Variants in FYB1 observed in about 807,000 individuals in gnomAD.
FYB1 encodes the protein FYN binding protein 1, also known as FYN-binding protein 1.
Under a neutral mutation model 94.1 loss-of-function variants are expected in FYB1, and 41 were observed. The ratio of observed to expected loss-of-function variants is 0.44; its 90% CI spans 0.34 to 0.57. FYB1 has a LOEUF of 0.57. FYB1 is among the 20% of genes least tolerant of loss of function. The pLI, the probability that FYB1 is intolerant of heterozygous loss-of-function variation, is 0.02. For missense variants in FYB1, 1,050 were observed against 976.8 expected, an observed-to-expected ratio of 1.07 and a Z score of -1.00; for synonymous variants, 367 against 353.2, an observed-to-expected ratio of 1.04 and a Z score of -0.44.
At chr5:39,231,827 G>C (rs1750757454) in intron 1 of FYB1, among the ~76,000 whole-genome samples, 1 of 152,142 alleles carries the variant, frequency 6.6e-6, no homozygotes, top group African/African-American at 2.4e-5. Context: ...GCTGCACCCT[G>C]TCTAGTTGGG....
chr5:39,160,152 T>C (rs1461635466), intron 2 of FYB1, among the ~76,000 whole-genome samples: 1 of 152,254 alleles, frequency 6.6e-6, no homozygotes, highest in Admixed American at 6.5e-5. Flanking sequence ...TTACTCAATA[T>C]GAAGACTTGG....
Position 39,258,586 on chromosome 5 carries a change from C to A in FYB1, c.-28+15817G>T, listed in dbSNP as rs970898879. ...CTGCATTCCAGCCTGGGTGACAGAG[C>A]AAGACCCTGTGTCAAAAACAAAACA... On this transcript the variant is annotated intron_variant, in intron 1 of 1. Transcript: ENST00000510188. 8.6e-4 allele frequency among the ~76,000 whole-genome samples: 130 copies of A among 152,026 alleles called. 3 individuals carry two copies. The highest frequency in any genetic ancestry group is 2.9e-3 in the African/African-American group (122 of 41,436).
chr5:39,141,096 A>T lies in FYB1; in HGVS notation c.1338T>A (p.Asp446Glu), dbSNP rs565755754. Residue 446 changes from aspartate to glutamate, a missense_variant and splice_region_variant, in exon 4 of 19, where the codon GAT becomes GAA. By Grantham distance (45) the Asp-to-Glu change is conservative. Coordinates refer to ENST00000512982, the MANE Select transcript of FYB1 (RefSeq NM_001465.6). Reference sequence around the variant, plus strand: ...ATAAAATATGTTTTTGTCGTTTACCATCAGAGTGCGTGACACCATCTTGAT... The same window carrying T: ...ATAAAATATGTTTTTGTCGTTTACCTTCAGAGTGCGTGACACCATCTTGAT... Reference protein sequence around the residue: ...EDNQDGVTHSDGAGNLDEEQD... With the variant: ...EDNQDGVTHSEGAGNLDEEQD... 6.3e-7 allele frequency: 1 copy of T among 1,583,426 alleles called. No individual in the cohort carries two copies. Among genetic ancestry groups the T allele is most frequent in the South Asian group, 1.2e-5 (1 of 86,638 alleles).
At chr5:39,198,863 A>G (rs954924544) in intron 2 of FYB1, among the ~76,000 whole-genome samples, 3 of 152,112 alleles carry the variant, frequency 2.0e-5, no homozygotes, top group Non-Finnish European at 4.4e-5. Context: ...ATATAAATAA[A>G]TAATACACTT....
chr5:39,116,392 C>T (rs1427829889), intron 16 of FYB1, among the ~76,000 whole-genome samples: 1 of 152,130 alleles, frequency 6.6e-6, no homozygotes, highest in Non-Finnish European at 1.5e-5. Flanking sequence ...TGCATTGGTA[C>T]TGCAGCAGAA....
chr5:39,157,643 C>A (rs1743872182), intron 2 of FYB1, among the ~76,000 whole-genome samples: 1 of 152,172 alleles, frequency 6.6e-6, no homozygotes. Flanking sequence ...GTTGGCATTA[C>A]AAATTGGGGA....
intron 1 of FYB1, among the ~76,000 whole-genome samples, chr5:39,204,890 G>A (rs1332081691): frequency 1.3e-5 from 2 of 152,172 alleles, no homozygotes; most frequent in Admixed American, 6.5e-5. Flanking sequence ...GTTGGAAACT[G>A]CTTGTTTTCT....
chr5:39,188,039 C>T (rs957312819), intron 2 of FYB1, among the ~76,000 whole-genome samples: 2 of 152,074 alleles, frequency 1.3e-5, no homozygotes, highest in Admixed American at 6.5e-5. Context: ...GGGTAGAACA[C>T]GTCACCACTC....
At chr5:39,238,834 G>T (rs918415813) in intron 1 of FYB1, among the ~76,000 whole-genome samples, 3 of 152,054 alleles carry the variant, frequency 2.0e-5, no homozygotes, top group Non-Finnish European at 4.4e-5. Flanking sequence ...CAACAGCTAG[G>T]CTTTAAACCA....
chr5:39,195,128 G>A (rs1015406848), intron 2 of FYB1, among the ~76,000 whole-genome samples: 5 of 152,288 alleles, frequency 3.3e-5, no homozygotes, highest in Middle Eastern at 3.4e-3. Context: ...TCTGTGAGCC[G>A]TTTCAGTCAA....
chr5:39,167,106 A>T (rs7720493), intron 2 of FYB1, among the ~76,000 whole-genome samples: 33,202 of 152,036 alleles, frequency 0.22, 3,856 homozygotes, highest in African/African-American at 0.28. Context: ...GCTGCAATTA[A>T]CTTTGCACCA....
At chr5:39,229,453 C>T (rs1349974027) in intron 1 of FYB1, among the ~76,000 whole-genome samples, 2 of 152,144 alleles carry the variant, frequency 1.3e-5, no homozygotes, top group African/African-American at 4.8e-5. Flanking sequence ...TGAACTGTGT[C>T]CATTTCCAGA....
intron 1 of FYB1, among the ~76,000 whole-genome samples, chr5:39,210,174 G>C (rs936330189): frequency 6.6e-6 from 1 of 152,182 alleles, no homozygotes; most frequent in African/African-American, 2.4e-5. Context: ...AACTTGTGAA[G>C]GTGGAGGTGG....
chr5:39,185,579 CATATATACATATATATACATATATAT>C (rs1561230043), intron 2 of FYB1, among the ~76,000 whole-genome samples: 1 of 141,116 alleles, frequency 7.1e-6, no homozygotes, highest in African/African-American at 2.6e-5. Context: ...TATATATATA[CATATATACATATATATACATATATAT>C]ACACATATAT....
intron 16 of FYB1, among the ~76,000 whole-genome samples, chr5:39,114,531 G>A (rs960792363): frequency 6.6e-6 from 1 of 152,116 alleles, no homozygotes; most frequent in Non-Finnish European, 1.5e-5. Context: ...AAGAATGGAG[G>A]GTAAGGATAA....
chr5:39,229,332 T>C (rs1466557018), intron 1 of FYB1, among the ~76,000 whole-genome samples: 1 of 152,168 alleles, frequency 6.6e-6, no homozygotes, highest in African/African-American at 2.4e-5. Context: ...ATTTGTTCTA[T>C]AGAGTCATTC....
chr5:39,217,778 T>G lies in FYB1; in HGVS notation c.-28+1665A>C, dbSNP rs535561688. Among the ~76,000 whole-genome samples the G allele has an allele frequency of 3.3e-5, 5 of 152,316 alleles. No homozygotes were observed. In the East Asian group the frequency reaches 5.8e-4, roughly 18 times the overall value. On this transcript the variant is annotated intron_variant, in intron 1 of 18. Transcript: ENST00000512982. ...CGGTTCACTCTCTTCACTTTCTTGT[T>G]TTTAGAAATGTTCCTGTAGAGCAGC...
At chr5:39,255,723 T>C (rs1751911047) in intron 1 of FYB1, among the ~76,000 whole-genome samples, 1 of 152,194 alleles carries the variant, frequency 6.6e-6, no homozygotes, top group Non-Finnish European at 1.5e-5. Context: ...GGAAACTATC[T>C]GAACTGCATC....
chr5:39,149,796 T>C (rs1008776187), intron 3 of FYB1, among the ~76,000 whole-genome samples: 5 of 152,118 alleles, frequency 3.3e-5, no homozygotes, highest in Non-Finnish European at 7.4e-5. Context: ...TTATTGATTG[T>C]TCCTGTTATT....
Sources: gnomAD v4.1 joint callset for allele counts (sites outside exome capture counted in the v4.1 genomes callset) on GRCh38, gnomAD v4.1.1 for gene constraint, MANE v1.5 for transcripts, NCBI Gene and HGNC (gene_info 2026-07-23, HGNC 2026-07-21) for gene names.